The following AGPAT4 variants were observed in gnomAD, a reference collection of about 807,000 sequenced individuals.
AGPAT4 encodes the protein 1-acylglycerol-3-phosphate O-acyltransferase 4, also known as 1-acyl-sn-glycerol-3-phosphate acyltransferase delta.
A neutral mutation model predicts 48.0 loss-of-function variants in AGPAT4; 15 were observed. That is an observed-to-expected ratio of 0.31 (90% confidence interval 0.21 to 0.48). The LOEUF is 0.48. Ranked by LOEUF, AGPAT4 falls within the 20% of genes least tolerant of loss-of-function variation. The pLI, the probability that AGPAT4 is intolerant of heterozygous loss-of-function variation, is 0.99. For missense variants in AGPAT4, 314 were observed against 482.5 expected, an observed-to-expected ratio of 0.65 and a Z score of 3.27; for synonymous variants, 178 against 198.7, an observed-to-expected ratio of 0.90 and a Z score of 0.88.
chr6:161,175,657 G>C (rs1780408517), intron 2 of AGPAT4, among the ~76,000 whole-genome samples: 2 of 152,138 alleles, frequency 1.3e-5, no homozygotes, highest in Admixed American at 6.5e-5. Context: ...TGTGATCTTA[G>C]TTATTTCTTG....
At position 161,137,423 on chromosome 6, in the gene AGPAT4, T is replaced by C. The variant is rs997418992; in HGVS notation, c.1043-789A>G. 7.9e-5 allele frequency among the ~76,000 whole-genome samples: 12 copies of C among 152,200 alleles called. No individual in the cohort carries two copies. Among genetic ancestry groups the C allele is most frequent in the African/African-American group, 2.9e-4 (12 of 41,438 alleles). On this transcript the variant is annotated intron_variant, in intron 8 of 8. Coordinates refer to ENST00000320285, the MANE Select transcript of AGPAT4 (RefSeq NM_020133.3). The surrounding 1 kb of genome is among the most constrained non-coding windows in gnomAD (Gnocchi z 6.1). ...CCCCAAATCATGATGCACAGGATTA[T>C]CTAGCATTAGCATCGCGGTCGATAA...
In AGPAT4 at chr6:161,238,481, CTTTAA is replaced by C. The variant is rs1441330016; in HGVS notation, c.-89-6184_-89-6180del. ...CTACCTATCTAGATCAAGACATTGT[CTTTAA>C]TTTACCTGTAATGTGTTAAAGCATC... On this transcript the variant is annotated intron_variant, in intron 1 of 8. Coordinates refer to ENST00000320285, the MANE Select transcript of AGPAT4 (RefSeq NM_020133.3). This position sits in a 1 kb window ranked among gnomAD's most constrained non-coding sequence, Gnocchi z 5.2. Among the ~76,000 whole-genome samples the C allele has an allele frequency of 6.6e-6, 1 of 152,220 alleles. No individual in the cohort carries two copies. Among genetic ancestry groups the C allele is most frequent in the East Asian group, 1.9e-4 (1 of 5,202 alleles).
chr6:161,166,384 G>A lies in AGPAT4; in HGVS notation c.212C>T (p.Thr71Met), dbSNP rs1348837525. The A allele has an allele frequency of 4.3e-6, 7 of 1,612,070 alleles. No individual in the cohort carries two copies. The highest frequency in any genetic ancestry group is 5.1e-6 in the Non-Finnish European group (6 of 1,178,992). ...LVMLLEWWSG[T>M]ECTIFTDPRA... ...CGGGTCCGTGAAGATGGTGCATTCCGTGCCCGACCACCACTCCAGCAGCAT... is the reference window on the plus strand; with the variant it reads ...CGGGTCCGTGAAGATGGTGCATTCCATGCCCGACCACCACTCCAGCAGCAT... The change falls in exon 3 of 9, where the codon ACG (threonine) becomes ATG (methionine). Residue 71 changes from threonine to methionine, a missense_variant. Transcript: ENST00000320285. The surrounding 1 kb of genome is among the most constrained non-coding windows in gnomAD (Gnocchi z 6.7).
rs1157535106 is a variant in AGPAT4, at chr6:161,216,808, A to G, written c.178+15228T>C. ...TCGTGAGACTTACTATCACGAGACT[A>G]GCACGAGAAAAACTGGCCCTCATGA... On this transcript the variant is annotated intron_variant, in intron 2 of 8. Coordinates refer to ENST00000320285, the MANE Select transcript of AGPAT4 (RefSeq NM_020133.3). This position sits in a 1 kb window ranked among gnomAD's most constrained non-coding sequence, Gnocchi z 4.8. 6.6e-6 allele frequency among the ~76,000 whole-genome samples: 1 copy of G among 152,206 alleles called. No individual in the cohort carries two copies. The highest frequency in any genetic ancestry group is 1.5e-5 in the Non-Finnish European group (1 of 68,048).
Position 161,254,619 on chromosome 6 carries a change from G to C in AGPAT4, c.-90+19319C>G, listed in dbSNP as rs1242720735. On this transcript the variant is annotated intron_variant, in intron 1 of 8. Transcript: ENST00000320285. The surrounding 1 kb of genome is among the most constrained non-coding windows in gnomAD (Gnocchi z 5.9). ...AGTATTGGGAAATCGAGGAGAAAATGCCTTCTTACAAACCCTCCAGCTTCC... is the reference window on the plus strand; with the variant it reads ...AGTATTGGGAAATCGAGGAGAAAATCCCTTCTTACAAACCCTCCAGCTTCC... 3.3e-5 allele frequency among the ~76,000 whole-genome samples: 5 copies of C among 152,124 alleles called. No individual in the cohort carries two copies. The highest frequency in any genetic ancestry group is 9.7e-5 in the African/African-American group (4 of 41,424).
At position 161,154,379 on chromosome 6, in the gene AGPAT4, G is replaced by C. The variant is rs1043606632; in HGVS notation, c.349-69C>G. On this transcript the variant is annotated intron_variant, in intron 3 of 8. Transcript: ENST00000320285. The surrounding 1 kb of genome is among the most constrained non-coding windows in gnomAD (Gnocchi z 7.8). ...AGAGCCACCTGCCGGGGCTGTTGGA[G>C]ACTGAAGTAGAAAAAGAGGAGGGGA... is the stretch of plus-strand genomic sequence containing the variant. 7.6e-6 allele frequency: 12 copies of C among 1,580,688 alleles called. No homozygotes were observed. Among genetic ancestry groups the C allele is most frequent in the Non-Finnish European group, 1.0e-5 (12 of 1,158,560 alleles).
At position 161,232,190 on chromosome 6, in the gene AGPAT4, C is replaced by T. The variant is rs35476617; in HGVS notation, c.24G>A (p.Lys8=). The change falls in exon 2 of 9, where the codon AAG becomes AAA. Residue 8 remains lysine, a synonymous_variant. Transcript: ENST00000320285. This position sits in a 1 kb window ranked among gnomAD's most constrained non-coding sequence, Gnocchi z 6.8. MDLAGLL[K]SQFLCHLVFC... is the part of the protein sequence containing the mutation. ...AGACCAGGTGGCACAGGAACTGAGA[C>T]TTCAGCAGTCCCGCGAGGTCCATGA... 966 of 1,614,066 alleles carry T rather than the reference C, an allele frequency of 6.0e-4. 4 individuals carry two copies. The African/African-American group carries it at 0.01, about 17-fold the overall frequency.
chr6:161,237,805 A>G (rs1353280523), intron 1 of AGPAT4, among the ~76,000 whole-genome samples: 1 of 152,064 alleles, frequency 6.6e-6, no homozygotes, highest in Non-Finnish European at 1.5e-5. Context: ...AGAACTGGAC[A>G]GACTCCATTT....
At position 161,238,183 on chromosome 6, in the gene AGPAT4, C is replaced by A. The variant is rs943212138; in HGVS notation, c.-89-5881G>T. Among the ~76,000 whole-genome samples, 3 of 152,112 alleles carry A rather than the reference C, an allele frequency of 2.0e-5. No individual in the cohort carries two copies. Among genetic ancestry groups the A allele is most frequent in the Non-Finnish European group, 4.4e-5 (3 of 68,026 alleles). On this transcript the variant is annotated intron_variant, in intron 1 of 8. Coordinates refer to ENST00000320285, the MANE Select transcript of AGPAT4 (RefSeq NM_020133.3). The surrounding 1 kb of genome is among the most constrained non-coding windows in gnomAD (Gnocchi z 5.2). ...AGTCTGGCTACAAATCCAGGCCTGG[C>A]CACTTTACAGCTATGGAAGTTGATT...
At position 161,250,110 on chromosome 6, in the gene AGPAT4, G is replaced by A. The variant is rs9458170; in HGVS notation, c.-89-17808C>T. Among the ~76,000 whole-genome samples the A allele has an allele frequency of 5.2e-3, 677 of 131,282 alleles. 7 individuals are homozygous for A. The highest frequency in any genetic ancestry group is 0.03 in the African/African-American group (651 of 21,980). The allele number at this position is 131,282 out of a possible 152,430, so 86.1% of individuals were successfully genotyped here. On this transcript the variant is annotated intron_variant, in intron 1 of 8. Transcript: ENST00000320285. ...GCAGAAACAGAAAACCAAACACCAC[G>A]TGTTTTCACTTACAAGTGGGAACTA...
chr6:161,189,561 C>T lies in AGPAT4; in HGVS notation c.179-23144G>A, dbSNP rs1024931364. Among the ~76,000 whole-genome samples, 1 of 152,182 alleles carries T rather than the reference C, an allele frequency of 6.6e-6. No individual in the cohort carries two copies. The highest frequency in any genetic ancestry group is 1.5e-5 in the Non-Finnish European group (1 of 68,026). The stretch of plus-strand genomic sequence containing the variant: ...CTCTGCACAGATGAAGAAGCTGAGG[C>T]TCTGAAAGTCTTAGCAACTTGCCCC... On this transcript the variant is annotated intron_variant, in intron 2 of 8. Coordinates refer to ENST00000320285, the MANE Select transcript of AGPAT4 (RefSeq NM_020133.3). This position sits in a 1 kb window ranked among gnomAD's most constrained non-coding sequence, Gnocchi z 5.3.
Position 161,219,888 on chromosome 6 carries a change from CA to C in AGPAT4, c.178+12147del, listed in dbSNP as rs1562343753. Among the ~76,000 whole-genome samples, 13 of 136,116 alleles carry C rather than the reference CA, an allele frequency of 9.6e-5. No homozygotes were observed. The highest frequency in any genetic ancestry group is 4.3e-4 in the East Asian group (2 of 4,642). The allele number at this position is 136,116 out of a possible 152,430, so 89.3% of individuals were successfully genotyped here. ...ATAGATAGATAGGCAGGCAGGCAGG[CA>C]GGCAGGCAGGCAGGCAGGCAGGCAG... On this transcript the variant is annotated intron_variant, in intron 2 of 8. Coordinates refer to ENST00000320285, the MANE Select transcript of AGPAT4 (RefSeq NM_020133.3). The surrounding 1 kb of genome is among the most constrained non-coding windows in gnomAD (Gnocchi z 4.9).
chr6:161,268,340 C>A lies in AGPAT4; in HGVS notation c.-90+5598G>T, dbSNP rs139637821. ...ATCATCTCCTACAAGAATTTCTTTTCTCTTCTATAAAAAAACAAAACGGGA... is the reference window on the plus strand; with the variant it reads ...ATCATCTCCTACAAGAATTTCTTTTATCTTCTATAAAAAAACAAAACGGGA... On this transcript the variant is annotated intron_variant, in intron 1 of 8. Coordinates refer to ENST00000320285, the MANE Select transcript of AGPAT4 (RefSeq NM_020133.3). 4.9e-3 allele frequency among the ~76,000 whole-genome samples: 743 copies of A among 152,226 alleles called. 11 individuals carry two copies. The highest frequency in any genetic ancestry group is 0.032 in the East Asian group (165 of 5,178).
Position 161,139,300 on chromosome 6 carries a change from A to C in AGPAT4, c.1042+122T>G. 1 of 1,124,582 alleles carries C rather than the reference A, an allele frequency of 8.9e-7. No homozygotes were observed. Among genetic ancestry groups the C allele is most frequent in the South Asian group, 1.5e-5 (1 of 67,216 alleles). The allele number at this position is 1,124,582 out of a possible 1,614,324, so 69.7% of individuals were successfully genotyped here. ...AGTCTAATCTTTCCCTGTGATTGCA[A>C]GCTGAGCCTGCTCCTCATCCACGGC... On this transcript the variant is annotated intron_variant, in intron 8 of 8. Transcript: ENST00000320285. The surrounding 1 kb of genome is among the most constrained non-coding windows in gnomAD (Gnocchi z 9.1).
chr6:161,144,341 T>TTC lies in AGPAT4; in HGVS notation c.843+2181_843+2182dup, dbSNP rs1352880160. ...TGAGCTGGAAAACTGGGTAAATCACTTCATCTTTCGGACCTGAATTTCCTC... is the reference window on the plus strand; with the variant it reads ...TGAGCTGGAAAACTGGGTAAATCACTTCTCATCTTTCGGACCTGAATTTCCTC... On this transcript the variant is annotated intron_variant, in intron 7 of 8. Coordinates refer to ENST00000320285, the MANE Select transcript of AGPAT4 (RefSeq NM_020133.3). The surrounding 1 kb of genome is among the most constrained non-coding windows in gnomAD (Gnocchi z 6.6). 1 of 397,872 alleles carries TTC rather than the reference T, an allele frequency of 2.5e-6. No homozygotes were observed. The highest frequency in any genetic ancestry group is 7.4e-5 in the East Asian group (1 of 13,562). 24.6% of individuals were successfully genotyped at this position (397,872 alleles called of 1,614,324 possible). A position where few individuals can be genotyped will look rare whatever the true frequency, so the allele number is the denominator to read the frequency against.
intron 1 of AGPAT4, among the ~76,000 whole-genome samples, chr6:161,265,151 CGCTGG>C (rs1783214620): frequency 7.4e-6 from 1 of 134,698 alleles, no homozygotes; most frequent in African/African-American, 2.8e-5. Context: ...TAGTACCCAC[CGCTGG>C]ACTGGGTGCT....
intron 1 of AGPAT4, among the ~76,000 whole-genome samples, chr6:161,269,254 T>C (rs1057080632): frequency 5.9e-5 from 9 of 152,206 alleles, no homozygotes; most frequent in Non-Finnish European, 1.2e-4. Flanking sequence ...CTGTGTCTCC[T>C]GCGTTAGAAA....
chr6:161,204,451 C>G lies in AGPAT4; in HGVS notation c.178+27585G>C, dbSNP rs948025758. 1.3e-5 allele frequency among the ~76,000 whole-genome samples: 2 copies of G among 152,096 alleles called. No homozygotes were observed. The highest frequency in any genetic ancestry group is 4.8e-5 in the African/African-American group (2 of 41,418). On this transcript the variant is annotated intron_variant, in intron 2 of 8. Transcript: ENST00000320285. This position sits in a 1 kb window ranked among gnomAD's most constrained non-coding sequence, Gnocchi z 4.4. ...ACATAACCAATTTTATCACCAGTTC[C>G]AACCTTAAAGGTAAATACTTCAGTT...
At chr6:161,263,681 C>T (rs1783169912) in intron 1 of AGPAT4, among the ~76,000 whole-genome samples, 1 of 152,132 alleles carries the variant, frequency 6.6e-6, no homozygotes, top group Non-Finnish European at 1.5e-5. Context: ...CCTATTATTC[C>T]TCTAGAGATG....
Sources: allele counts gnomAD v4.1 joint callset (sites outside exome capture counted in the v4.1 genomes callset), GRCh38; gene constraint gnomAD v4.1.1; non-coding constraint Gnocchi (gnomAD v3.1); transcripts MANE v1.5; gene names NCBI Gene and HGNC (gene_info 2026-07-23, HGNC 2026-07-21).